Variants in E2F3 observed in about 807,000 individuals in gnomAD.
E2F3 encodes E2F transcription factor 3, also known as transcription factor E2F3.
Under a neutral mutation model 44.4 loss-of-function variants are expected in E2F3, and 11 were observed. The observed-to-expected ratio is 0.25, with a 90% CI of 0.16 to 0.41. The LOEUF is 0.41. Among genes scored for constraint, E2F3 ranks in the 10% least tolerant of loss-of-function variants. E2F3 has a pLI of 1.00. For synonymous variants in E2F3, 249 were observed against 253.0 expected, an observed-to-expected ratio of 0.98 and a Z score of 0.15; for missense variants, 487 against 583.6, an observed-to-expected ratio of 0.83 and a Z score of 1.70.
chr6:20,406,812 A>G (rs935778470), intron 1 of E2F3, among the ~76,000 whole-genome samples: 2 of 152,240 alleles, frequency 1.3e-5, no homozygotes, highest in Admixed American at 6.5e-5. Context: ...TGTCAGAGAC[A>G]TGCATTAGAC....
intron 3 of E2F3, among the ~76,000 whole-genome samples, chr6:20,481,990 C>T (rs1172026787): frequency 2.0e-5 from 3 of 152,098 alleles, no homozygotes. Context: ...CGTATGATTA[C>T]ATATGTAATA....
intron 4 of E2F3, among the ~76,000 whole-genome samples, chr6:20,485,343 C>T (rs914012759): frequency 2.6e-5 from 4 of 152,074 alleles, no homozygotes; most frequent in Admixed American, 2.6e-4. Context: ...TTTGGGAGGC[C>T]GGAGGCAGGC....
Position 20,477,672 on chromosome 6 carries a change from G to T in E2F3, c.394-2174G>T, listed in dbSNP as rs749026865. 3.9e-5 allele frequency among the ~76,000 whole-genome samples: 6 copies of T among 152,206 alleles called. No individual in the cohort carries two copies. In the South Asian group the frequency reaches 6.2e-4, roughly 16 times the overall value. ...TTTGCGTTTCCTAGCAGCTGAACTT[G>T]GTCCAGGGTTCAAAGTGTAGAAGGC... On this transcript the variant is annotated intron_variant, in intron 1 of 6. Coordinates refer to ENST00000346618, the MANE Select transcript of E2F3 (RefSeq NM_001949.5).
chr6:20,435,219 C>T (rs1302096588), intron 1 of E2F3, among the ~76,000 whole-genome samples: 3 of 152,188 alleles, frequency 2.0e-5, no homozygotes, highest in Non-Finnish European at 4.4e-5. Context: ...CTCAAGCAAT[C>T]TTCCTTCCTC....
chr6:20,458,222 A>G (rs1278315412), intron 1 of E2F3, among the ~76,000 whole-genome samples: 1 of 152,182 alleles, frequency 6.6e-6, no homozygotes, highest in Non-Finnish European at 1.5e-5. Context: ...TTACTGTAAC[A>G]GGGAGTCATT....
At chr6:20,424,210 G>GGTATGTGT (rs58738322) in intron 1 of E2F3, among the ~76,000 whole-genome samples, 3,513 of 136,958 alleles carry the variant, frequency 0.026, 81 homozygotes, top group African/African-American at 0.055. Flanking sequence ...TCAGTGGAAG[G>GGTATGTGT]GTGTGTGTGT....
chr6:20,490,137 T>C lies in E2F3; in HGVS notation c.1136-31T>C. The C allele has an allele frequency of 6.5e-7, 1 of 1,540,090 alleles. No individual in the cohort carries two copies. Among genetic ancestry groups the C allele is most frequent in the Non-Finnish European group, 8.7e-7 (1 of 1,143,616 alleles). The stretch of plus-strand genomic sequence containing the variant: ...AAATTCATTTGATTTTTCTAACTTA[T>C]TTTTTGTTTCCATCAATGTTTTCTT... On this transcript the variant is annotated intron_variant, in intron 6 of 6. Transcript: ENST00000346618. This position sits in a 1 kb window ranked among gnomAD's most constrained non-coding sequence, Gnocchi z 4.3.
At chr6:20,417,975 A>G (rs1191698375) in intron 1 of E2F3, among the ~76,000 whole-genome samples, 1 of 152,112 alleles carries the variant, frequency 6.6e-6, no homozygotes, top group Non-Finnish European at 1.5e-5. Context: ...GGTTGGTTCT[A>G]TTATAGAGGC....
At chr6:20,483,765 C>G (rs1762306968) in intron 4 of E2F3, among the ~76,000 whole-genome samples, 1 of 152,212 alleles carries the variant, frequency 6.6e-6, no homozygotes, top group Non-Finnish European at 1.5e-5. Flanking sequence ...TATCCCATCT[C>G]TAGTTTTAGT....
At position 20,491,813 on chromosome 6, in the gene E2F3, T is replaced by TA. The variant is rs896217449; in HGVS notation, c.*1389dup. The TA allele has an allele frequency of 5.6e-6, 1 of 179,540 alleles. No homozygotes were observed. Among genetic ancestry groups the TA allele is most frequent in the Non-Finnish European group, 1.2e-5 (1 of 83,508 alleles). The allele number at this position is 179,540 out of a possible 1,614,324, so 11.1% of individuals were successfully genotyped here. ...GTTGGACCAAGGGAAGTCGGGGACG[T>TA]AAAAAATGAAGCAAAACAATGCCAG... On this transcript the variant is annotated 3_prime_UTR_variant, in exon 7 of 7. Coordinates refer to ENST00000346618, the MANE Select transcript of E2F3 (RefSeq NM_001949.5).
chr6:20,406,038 C>T (rs1345466733), intron 1 of E2F3, among the ~76,000 whole-genome samples: 3 of 152,106 alleles, frequency 2.0e-5, no homozygotes, highest in Non-Finnish European at 4.4e-5. Flanking sequence ...TGAACAAAGA[C>T]CACCTAAACA....
intron 1 of E2F3, among the ~76,000 whole-genome samples, chr6:20,426,272 T>C (rs927849804): frequency 6.6e-6 from 1 of 152,246 alleles, no homozygotes; most frequent in African/African-American, 2.4e-5. Flanking sequence ...GGTGTAAGTA[T>C]AGGGGAATTA....
chr6:20,447,489 C>T (rs1192250687), intron 1 of E2F3, among the ~76,000 whole-genome samples: 1 of 145,094 alleles, frequency 6.9e-6, no homozygotes, highest in Non-Finnish European at 1.5e-5. Flanking sequence ...TAAACTTGAG[C>T]AGGTCTTGGG....
intron 1 of E2F3, among the ~76,000 whole-genome samples, chr6:20,456,731 C>T (rs564222929): frequency 6.6e-6 from 1 of 152,214 alleles, no homozygotes; most frequent in Admixed American, 6.5e-5. Flanking sequence ...TAAATAATGG[C>T]CTCAGATTCA....
chr6:20,453,646 G>A (rs1354792235), intron 1 of E2F3, among the ~76,000 whole-genome samples: 4 of 152,004 alleles, frequency 2.6e-5, no homozygotes, highest in Non-Finnish European at 4.4e-5. Flanking sequence ...TCCTGGGCTC[G>A]GGCGATCCTA....
chr6:20,471,513 A>G (rs556544919), intron 1 of E2F3, among the ~76,000 whole-genome samples: 78 of 152,318 alleles, frequency 5.1e-4, no homozygotes, highest in African/African-American at 1.8e-3. Flanking sequence ...CCCAGGAGGC[A>G]GAGGTTGCAG....
chr6:20,415,550 G>A (rs556007778), intron 1 of E2F3, among the ~76,000 whole-genome samples: 3 of 152,204 alleles, frequency 2.0e-5, no homozygotes, highest in South Asian at 4.2e-4. Flanking sequence ...AAATGTCCCC[G>A]GGAAGCAAAA....
At chr6:20,415,526 A>T (rs1195767063) in intron 1 of E2F3, among the ~76,000 whole-genome samples, 1 of 152,212 alleles carries the variant, frequency 6.6e-6, no homozygotes, top group Non-Finnish European at 1.5e-5. Context: ...AATCGAAATT[A>T]TCTTCACACT....
intron 1 of E2F3, among the ~76,000 whole-genome samples, chr6:20,425,731 G>A (rs1561854771): frequency 6.6e-6 from 1 of 152,146 alleles, no homozygotes. Flanking sequence ...GCAACAACGT[G>A]TCTTAGCTCT....
Sources: allele counts gnomAD v4.1 joint callset (sites outside exome capture counted in the v4.1 genomes callset), GRCh38; gene constraint gnomAD v4.1.1; non-coding constraint Gnocchi (gnomAD v3.1); transcripts MANE v1.5; gene names NCBI Gene and HGNC (gene_info 2026-07-23, HGNC 2026-07-21).